Variants in RHCG observed in about 807,000 individuals in gnomAD.
RHCG encodes ammonium transporter Rh type C.
In RHCG, 39 loss-of-function variants were observed where a neutral mutation model predicts 55.3. That is an observed-to-expected ratio of 0.70 (90% CI 0.55 to 0.92). RHCG has a LOEUF of 0.92. Ranked by LOEUF, RHCG falls within the 40% of genes least tolerant of loss-of-function variation. The pLI, the probability that RHCG is intolerant of heterozygous loss-of-function variation, is 0.00. For missense variants in RHCG, 635 were observed against 627.9 expected (o/e 1.01, Z -0.12); for synonymous variants, 250 against 246.8 (o/e 1.01, Z -0.12).
At chr15:89,483,447 C>T (rs1961305108) in intron 2 of RHCG, among the ~76,000 whole-genome samples, 1 of 152,118 alleles carries the variant, frequency 6.6e-6, no homozygotes, top group Non-Finnish European at 1.5e-5. Flanking sequence ...ACCTCCCATG[C>T]AGCCCATCTC....
At chr15:89,482,723 T>A (rs1961289588) in intron 3 of RHCG, among the ~76,000 whole-genome samples, 2 of 152,226 alleles carry the variant, frequency 1.3e-5, no homozygotes, top group Non-Finnish European at 2.9e-5. Flanking sequence ...TACACCGGAT[T>A]CCTTTTCTTG....
intron 9 of RHCG, 113 bp from the exon 10 acceptor site, chr15:89,472,976 G>T (rs905148223): frequency 8.1e-7 from 1 of 1,228,186 alleles, no homozygotes; most frequent in Non-Finnish European, 1.1e-6. Context: ...CCTTGTGATC[G>T]CCGTGCGGAT....
At chr15:89,479,086 C>T (rs1408500793) in intron 5 of RHCG, among the ~76,000 whole-genome samples, 2 of 122,232 alleles carry the variant, frequency 1.6e-5, no homozygotes, top group African/African-American at 6.4e-5. Context: ...GGTGACAGAG[C>T]GAGACTCCAT....
chr15:89,480,263 A>G lies in RHCG; in HGVS notation c.668T>C (p.Ile223Thr). The G allele has an allele frequency of 6.2e-7, 1 of 1,613,824 alleles. No individual in the cohort carries two copies. ...SVYQSDLFAM[I>T]GTLFLWMYWP... Reference sequence around the variant, plus strand: ...TCGGTCATGATGGCAGTTCTCACCAATCATGGCAAAGAGGTCCGACTGGTA... The same window carrying G: ...TCGGTCATGATGGCAGTTCTCACCAGTCATGGCAAAGAGGTCCGACTGGTA... Residue 223 changes from isoleucine to threonine, a missense_variant and splice_region_variant, in exon 4 of 11, where the codon ATT becomes ACT. Ile to Thr is a moderately conservative substitution (Grantham distance 89). Coordinates refer to ENST00000268122, the MANE Select transcript of RHCG (RefSeq NM_016321.3).
chr15:89,486,599 A>AGGGAGT, intron 2 of RHCG, 200 bp downstream of exon 2: 1 of 236,650 alleles, frequency 4.2e-6, no homozygotes, highest in African/African-American at 4.8e-5. Flanking sequence ...AGAGAGAGAG[A>AGGGAGT]GTGTGTGTGT....
chr15:89,486,527 T>A, intron 2 of RHCG: 1 of 514,346 alleles, frequency 1.9e-6, no homozygotes, highest in Non-Finnish European at 3.7e-6. Flanking sequence ...CCCTGGAGAA[T>A]CGCTGATCAG....
At chr15:89,472,645 A>T (rs1961059501) in intron 10 of RHCG, 66 bp downstream of exon 10, 1 of 1,488,576 alleles carries the variant, frequency 6.7e-7, no homozygotes. Context: ...GTAACATCTG[A>T]TTCTGAGAGC....
Position 89,472,818 on chromosome 15 carries a change from A to G in RHCG, c.1357T>C (p.Phe453Leu), listed in dbSNP as rs775772952. 6.0e-5 allele frequency: 93 copies of G among 1,550,646 alleles called. No homozygotes were observed. Among genetic ancestry groups the G allele is most frequent in the Non-Finnish European group, 7.2e-5 (82 of 1,146,460 alleles). ...STVYIPEDPTFKPSGPSVPSV... is the reference protein window; with the variant it reads ...STVYIPEDPTLKPSGPSVPSV... ...GGTACTGAGGGTCCTGAGGGCTTGA[A>G]GGTGGGGTCCTCAGGGATGTAGACA... is the stretch of plus-strand genomic sequence containing the variant. Residue 453 changes from phenylalanine (F) to leucine (L), a missense_variant, in exon 10 of 11, where the codon TTC becomes CTC. Transcript: ENST00000268122.
rs1212646555 is a variant in RHCG, at chr15:89,480,274, G to A, written c.657C>T (p.Leu219=). The A allele has an allele frequency of 6.2e-7, 1 of 1,614,126 alleles. No homozygotes were observed. The highest frequency in any genetic ancestry group is 1.7e-5 in the Admixed American group (1 of 60,012). The change falls in exon 4 of 11, where the codon CTC becomes CTT. Residue 219 remains leucine, a synonymous_variant. Coordinates refer to ENST00000268122, the MANE Select transcript of RHCG (RefSeq NM_016321.3). ...GGCAGTTCTCACCAATCATGGCAAAGAGGTCCGACTGGTACACAGAATTCT... is the reference window on the plus strand; with the variant it reads ...GGCAGTTCTCACCAATCATGGCAAAAAGGTCCGACTGGTACACAGAATTCT... The part of the protein sequence containing the change: ...ERQNSVYQSD[L]FAMIGTLFLW...
In RHCG at chr15:89,477,468, G is replaced by A. The variant is rs761828892; in HGVS notation, c.1112+49C>T. On this transcript the variant is annotated intron_variant, in intron 7 of 10. Transcript: ENST00000268122. This position sits in a 1 kb window ranked among gnomAD's most constrained non-coding sequence, Gnocchi z 4.5. The stretch of plus-strand genomic sequence containing the variant: ...AGAGGAATAGCAGGAAGAAGGGATG[G>A]GAGAAGGAAGGGGGAAGCTCCATCC... 14 of 1,604,704 alleles carry A rather than the reference G, an allele frequency of 8.7e-6. No homozygotes were observed. The highest frequency in any genetic ancestry group is 4.0e-5 in the African/African-American group (3 of 74,758).
intron 1 of RHCG, among the ~76,000 whole-genome samples, chr15:89,491,215 C>A (rs968735868): frequency 6.6e-6 from 1 of 152,050 alleles, no homozygotes; most frequent in Non-Finnish European, 1.5e-5. Context: ...CCTGGTCCAT[C>A]CTCCCTGCCT....
chr15:89,484,946 A>T (rs537097891), intron 2 of RHCG, among the ~76,000 whole-genome samples: 1 of 151,996 alleles, frequency 6.6e-6, no homozygotes, highest in Admixed American at 6.6e-5. Context: ...GACTTAGAAG[A>T]CTCTTCAGCA....
intron 3 of RHCG, among the ~76,000 whole-genome samples, chr15:89,480,811 G>T (rs1961252938): frequency 6.6e-6 from 1 of 152,222 alleles, no homozygotes; most frequent in Non-Finnish European, 1.5e-5. Context: ...GCCTTAGCAG[G>T]GCTGTTGTCA....
At chr15:89,483,302 T>G in intron 2 of RHCG, 85 bp from the exon 3 acceptor site, 1 of 1,305,480 alleles carries the variant, frequency 7.7e-7, no homozygotes, top group Non-Finnish European at 1.0e-6. Flanking sequence ...TATATGGATT[T>G]GGGCTTGTGG....
At chr15:89,479,719 C>A (rs1961229757) in intron 4 of RHCG, 1 of 547,084 alleles carries the variant, frequency 1.8e-6, no homozygotes, top group African/African-American at 1.9e-5. Flanking sequence ...ACCCCCATTT[C>A]TGGGCTAAAT....
In RHCG at chr15:89,477,743, C is replaced by T; in HGVS notation, c.976-90G>A. 4 of 1,603,192 alleles carry T rather than the reference C, an allele frequency of 2.5e-6. No individual in the cohort carries two copies. The highest frequency in any genetic ancestry group is 3.4e-6 in the Non-Finnish European group (4 of 1,172,354). On this transcript the variant is annotated intron_variant, in intron 6 of 10. Coordinates refer to ENST00000268122, the MANE Select transcript of RHCG (RefSeq NM_016321.3). This position sits in a 1 kb window ranked among gnomAD's most constrained non-coding sequence, Gnocchi z 4.5. ...TTCCAGAGACCCAGGATTCTCTAGCCCTCAGCCCCCTCCCTAGGAACCCTC... is the reference window on the plus strand; with the variant it reads ...TTCCAGAGACCCAGGATTCTCTAGCTCTCAGCCCCCTCCCTAGGAACCCTC...
At chr15:89,488,325 T>C (rs771510423) in intron 1 of RHCG, among the ~76,000 whole-genome samples, 1 of 152,254 alleles carries the variant, frequency 6.6e-6, no homozygotes, top group Non-Finnish European at 1.5e-5. Flanking sequence ...TGGAAAATCA[T>C]CATTTTCATG....
At chr15:89,481,560 A>G (rs528775055) in intron 3 of RHCG, among the ~76,000 whole-genome samples, 1 of 152,270 alleles carries the variant, frequency 6.6e-6, no homozygotes, top group South Asian at 2.1e-4. Flanking sequence ...TTGATGTGGG[A>G]CCCAGCTTTG....
At position 89,477,684 on chromosome 15, in the gene RHCG, C is replaced by A; in HGVS notation, c.976-31G>T. The A allele has an allele frequency of 6.2e-7, 1 of 1,612,586 alleles. No homozygotes were observed. The highest frequency in any genetic ancestry group is 8.5e-7 in the Non-Finnish European group (1 of 1,179,098). On this transcript the variant is annotated intron_variant, in intron 6 of 10. Transcript: ENST00000268122. The surrounding 1 kb of genome is among the most constrained non-coding windows in gnomAD (Gnocchi z 4.5). ...GACGGGAGGTGGGTGCTGCTCAGGC[C>A]GGGGGCTGCATCAAGGGTGTGGGGA...
Sources: gnomAD v4.1 joint callset for allele counts (sites outside exome capture counted in the v4.1 genomes callset) on GRCh38, gnomAD v4.1.1 for gene constraint, Gnocchi (gnomAD v3.1) non-coding constraint, MANE v1.5 for transcripts, NCBI Gene and HGNC (gene_info 2026-07-23, HGNC 2026-07-21) for gene names.